The following LNPEP variants were observed in gnomAD, a reference collection of about 807,000 sequenced individuals.
LNPEP encodes the protein leucyl-cystinyl aminopeptidase.
Under a neutral mutation model 120.6 loss-of-function variants are expected in LNPEP, and 64 were observed. That is an observed-to-expected ratio of 0.53 (90% confidence interval 0.43 to 0.65). The LOEUF is 0.65. Among genes scored for constraint, LNPEP ranks in the 30% least tolerant of loss-of-function variants. The pLI is 0.00. For missense variants in LNPEP, 1,057 were observed against 1,200.0 expected (o/e 0.88, Z 1.76); for synonymous variants, 435 against 425.4 (o/e 1.02, Z -0.28).
At chr5:96,949,517 T>C (rs1357120729) in intron 1 of LNPEP, among the ~76,000 whole-genome samples, 1 of 152,118 alleles carries the variant, frequency 6.6e-6, no homozygotes, top group Admixed American at 6.5e-5. Flanking sequence ...TGTGGAAAAA[T>C]TGTCTTCCAC....
At chr5:96,953,375 C>A (rs1789370721) in intron 1 of LNPEP, among the ~76,000 whole-genome samples, 1 of 152,088 alleles carries the variant, frequency 6.6e-6, no homozygotes, top group South Asian at 2.1e-4. Context: ...TTTATTGTGT[C>A]CTTTTCTTAG....
At chr5:97,021,355 G>C (rs2112667244) in intron 13 of LNPEP, among the ~76,000 whole-genome samples, 1 of 152,064 alleles carries the variant, frequency 6.6e-6, no homozygotes, top group African/African-American at 2.4e-5. Flanking sequence ...TTTTTTTGTA[G>C]GTTTGAAAGT....
chr5:96,989,346 A>T (rs11953042), intron 4 of LNPEP, among the ~76,000 whole-genome samples: 2 of 21,904 alleles, frequency 9.1e-5, no homozygotes, highest in Non-Finnish European at 1.6e-4. Context: ...ATAATATATA[A>T]TATATTATAT....
intron 1 of LNPEP, chr5:96,942,833 CTGCACGTTG>C (rs1789090668): frequency 6.6e-6 from 1 of 152,560 alleles, no homozygotes; most frequent in Admixed American, 6.5e-5. Flanking sequence ...TGTAACAAAC[CTGCACGTTG>C]TGCACATGTA....
chr5:97,010,711 CTT>C, intron 11 of LNPEP: 1 of 985,322 alleles, frequency 1.0e-6, no homozygotes. Flanking sequence ...GTTGCTCACT[CTT>C]TTTTGCTACT....
In LNPEP at chr5:96,985,098, G is replaced by C; in HGVS notation, c.879G>C (p.Gln293His). The change falls in exon 3 of 18, where the codon CAG becomes CAC. Residue 293 changes from glutamine to histidine, a missense_variant. Physicochemically the swap from Gln to His is conservative, Grantham distance 24. Transcript: ENST00000231368. ...SNEKKYFAAT[Q>H]FEPLAARSAF... ...GTTTTAGGTACTTTGCAGCAACTCA[G>C]TTTGAACCCCTGGCAGCAAGATCTG... The C allele has an allele frequency of 1.2e-6, 2 of 1,613,982 alleles. No individual in the cohort carries two copies. The highest frequency in any genetic ancestry group is 1.7e-6 in the Non-Finnish European group (2 of 1,179,894).
chr5:96,943,936 C>G (rs1466194715), intron 1 of LNPEP, among the ~76,000 whole-genome samples: 4 of 152,154 alleles, frequency 2.6e-5, no homozygotes, highest in Admixed American at 2.0e-4. Flanking sequence ...AGAGTCTTCT[C>G]CAGCCAATGA....
chr5:96,996,328 T>C, intron 6 of LNPEP, 62 bp from the exon 7 acceptor site: 1 of 905,664 alleles, frequency 1.1e-6, no homozygotes, highest in South Asian at 1.3e-5. Flanking sequence ...CTTCAGCCAA[T>C]TATTTAAAAA....
chr5:96,952,089 T>TA (rs1789337488), intron 1 of LNPEP, among the ~76,000 whole-genome samples: 1 of 152,120 alleles, frequency 6.6e-6, no homozygotes, highest in Non-Finnish European at 1.5e-5. Flanking sequence ...ACTAACATTT[T>TA]AAAAATATTT....
At chr5:96,987,617 ATTCTCT>A (rs1790271873) in intron 4 of LNPEP, among the ~76,000 whole-genome samples, 1 of 152,206 alleles carries the variant, frequency 6.6e-6, no homozygotes, top group African/African-American at 2.4e-5. Flanking sequence ...AGAGATAAGG[ATTCTCT>A]GGTGATTTAT....
At chr5:96,939,847 T>C (rs1450114276) in intron 1 of LNPEP, among the ~76,000 whole-genome samples, 18 of 152,106 alleles carry the variant, frequency 1.2e-4, no homozygotes. Context: ...CAAATAACAA[T>C]TGTTCTATAG....
intron 4 of LNPEP, among the ~76,000 whole-genome samples, chr5:96,990,915 CTTTAT>C (rs1561443846): frequency 2.0e-5 from 3 of 151,970 alleles, no homozygotes; most frequent in African/African-American, 7.2e-5. Context: ...CAGTTTTTTG[CTTTAT>C]TTTAAGAGGT....
At chr5:96,973,973 A>G (rs72775866) in intron 1 of LNPEP, among the ~76,000 whole-genome samples, 21 of 152,142 alleles carry the variant, frequency 1.4e-4, no homozygotes, top group Non-Finnish European at 2.6e-4. Flanking sequence ...CATCCTCCCT[A>G]TATGTTTAAC....
In LNPEP at chr5:97,029,672, A is replaced by G. The variant is rs1179612915; in HGVS notation, c.*1139A>G. The G allele has an allele frequency of 6.6e-6, 1 of 152,176 alleles. No individual in the cohort carries two copies. The highest frequency in any genetic ancestry group is 1.5e-5 in the Non-Finnish European group (1 of 68,024). 9.4% of individuals were successfully genotyped at this position (152,176 alleles called of 1,614,324 possible). ...GGAGTAACTTGAATTCGTGTTTAGT[A>G]TGGTGGGCTTTGAATTTTTTTCACT... On this transcript the variant is annotated 3_prime_UTR_variant, in exon 18 of 18. Transcript: ENST00000231368.
chr5:97,006,264 C>G (rs1430993118), intron 10 of LNPEP, 31 bp downstream of exon 10: 17 of 1,553,358 alleles, frequency 1.1e-5, no homozygotes, highest in Non-Finnish European at 1.5e-5. Flanking sequence ...CATGCCATCT[C>G]TTTTGCACTC....
chr5:97,025,696 T>C (rs1561456643), intron 15 of LNPEP, among the ~76,000 whole-genome samples: 2 of 152,220 alleles, frequency 1.3e-5, no homozygotes, highest in African/African-American at 2.4e-5. Context: ...ACCTACATAT[T>C]TAACTGCATT....
intron 13 of LNPEP, among the ~76,000 whole-genome samples, chr5:97,018,586 G>A (rs1416243227): frequency 6.6e-6 from 1 of 152,086 alleles, no homozygotes; most frequent in Non-Finnish European, 1.5e-5. Context: ...GGGAGAATGT[G>A]TCACTTTAAC....
At chr5:97,025,322 C>G (rs1489737855) in intron 15 of LNPEP, among the ~76,000 whole-genome samples, 1 of 152,172 alleles carries the variant, frequency 6.6e-6, no homozygotes. Flanking sequence ...CTCATTACTT[C>G]TGTTGTATGA....
chr5:97,028,635 G>T lies in LNPEP; in HGVS notation c.*102G>T, dbSNP rs1370832845. The T allele has an allele frequency of 7.2e-6, 9 of 1,251,840 alleles. No individual in the cohort carries two copies. The highest frequency in any genetic ancestry group is 9.1e-6 in the Non-Finnish European group (8 of 881,012). 77.5% of individuals were successfully genotyped at this position (1,251,840 alleles called of 1,614,324 possible). On this transcript the variant is annotated 3_prime_UTR_variant, in exon 18 of 18. Coordinates refer to ENST00000231368, the MANE Select transcript of LNPEP (RefSeq NM_005575.3). ...AAGGTAAAGCCAGGATCGCTGCCAA[G>T]TTGTTTGCACTCTTTGGAGTTCTAG...
Sources: gnomAD v4.1 joint callset for allele counts (sites outside exome capture counted in the v4.1 genomes callset) on GRCh38, gnomAD v4.1.1 for gene constraint, MANE v1.5 for transcripts, NCBI Gene and HGNC (gene_info 2026-07-23, HGNC 2026-07-21) for gene names.